The following ARHGEF4 variants were observed in gnomAD, a reference collection of about 807,000 sequenced individuals.
ARHGEF4 encodes APC-stimulated guanine nucleotide exchange factor 1.
A neutral mutation model predicts 162.0 loss-of-function variants in ARHGEF4; 119 were observed. That is an observed-to-expected ratio of 0.73 (90% CI 0.63 to 0.86). ARHGEF4 has a LOEUF of 0.86. ARHGEF4 is among the 40% of genes least tolerant of loss of function. The probability of loss-of-function intolerance (pLI) is 0.00; values close to 1 mark genes in which losing one functional copy is unlikely to be tolerated. For missense variants in ARHGEF4, 2,488 were observed against 2,456.0 expected, an observed-to-expected ratio of 1.01 and a Z score of -0.28; for synonymous variants, 1,014 against 979.9, an observed-to-expected ratio of 1.03 and a Z score of -0.65.
At chr2:131,045,570 T>C in intron 13 of ARHGEF4, 124 bp downstream of exon 13, 4 of 1,601,544 alleles carry the variant, frequency 2.5e-6, no homozygotes, top group South Asian at 1.1e-5. Flanking sequence ...CACTGCCCTT[T>C]GCAGCTGTTT....
chr2:131,006,275 C>G (rs1688108279), intron 4 of ARHGEF4, among the ~76,000 whole-genome samples: 1 of 152,216 alleles, frequency 6.6e-6, no homozygotes, highest in South Asian at 2.1e-4. Flanking sequence ...AATTTAGGCT[C>G]TCTGTGACTC....
chr2:131,043,020 T>C (rs10928514), intron 10 of ARHGEF4, among the ~76,000 whole-genome samples: 32,259 of 152,186 alleles, frequency 0.21, 4,831 homozygotes, highest in African/African-American at 0.43. Context: ...TCGTATGCTA[T>C]GCAGTAGCCA....
chr2:130,870,470 AG>A (rs1321366839), intron 1 of ARHGEF4, among the ~76,000 whole-genome samples: 1 of 152,164 alleles, frequency 6.6e-6, no homozygotes, highest in East Asian at 1.9e-4. Context: ...GGGGGCAGGA[AG>A]GGGCCCTCAG....
intron 1 of ARHGEF4, among the ~76,000 whole-genome samples, chr2:130,912,048 G>A (rs1016944759): frequency 1.3e-5 from 2 of 152,244 alleles, no homozygotes; most frequent in African/African-American, 4.8e-5. Context: ...GGTGAGATGA[G>A]GGGCTGCAAG....
chr2:130,987,582 C>T (rs961329206), intron 4 of ARHGEF4, among the ~76,000 whole-genome samples: 2 of 152,162 alleles, frequency 1.3e-5, no homozygotes, highest in African/African-American at 4.8e-5. Flanking sequence ...TTATTGGCTA[C>T]TTTTAGAATC....
intron 2 of ARHGEF4, among the ~76,000 whole-genome samples, chr2:130,927,659 A>T (rs1383068463): frequency 6.6e-6 from 1 of 151,924 alleles, no homozygotes; most frequent in Non-Finnish European, 1.5e-5. Flanking sequence ...CTCCAGCAAG[A>T]CTGTTCAGCA....
intron 4 of ARHGEF4, among the ~76,000 whole-genome samples, chr2:130,981,731 T>A (rs1271270716): frequency 2.6e-5 from 4 of 151,842 alleles, no homozygotes; most frequent in Non-Finnish European, 1.5e-5. Context: ...CCCCACTCAG[T>A]TACCCTGGAG....
intron 1 of ARHGEF4, among the ~76,000 whole-genome samples, chr2:130,838,592 C>T (rs972525128): frequency 4.7e-5 from 7 of 149,590 alleles, no homozygotes; most frequent in East Asian, 2.0e-4. Flanking sequence ...GGTGATAGAG[C>T]GAGACTCCGT....
intron 5 of ARHGEF4, among the ~76,000 whole-genome samples, chr2:131,038,371 C>T (rs1690462881): frequency 1.3e-5 from 2 of 149,940 alleles, no homozygotes; most frequent in African/African-American, 4.9e-5. Context: ...AGCCTTGCAG[C>T]CCAGCCTCTC....
chr2:130,963,853 C>T (rs1684796028), intron 4 of ARHGEF4: 1 of 147,458 alleles, frequency 6.8e-6, no homozygotes, highest in Non-Finnish European at 1.5e-5. Flanking sequence ...CCACAGAGCC[C>T]GAGCGGGGGG....
chr2:130,967,319 T>C (rs937156862), intron 4 of ARHGEF4, among the ~76,000 whole-genome samples: 2 of 152,202 alleles, frequency 1.3e-5, no homozygotes, highest in African/African-American at 4.8e-5. Context: ...CCATGGCCCT[T>C]CTTTCTGCCC....
At chr2:130,874,757 C>T (rs73960354) in intron 1 of ARHGEF4, among the ~76,000 whole-genome samples, 25,315 of 151,850 alleles carry the variant, frequency 0.17, 4,332 homozygotes, top group African/African-American at 0.44. Context: ...TTGGTCATGC[C>T]CTTCTTTCAT....
At chr2:131,004,381 G>T (rs1323510084) in intron 4 of ARHGEF4, among the ~76,000 whole-genome samples, 1 of 152,144 alleles carries the variant, frequency 6.6e-6, no homozygotes, top group Admixed American at 6.5e-5. Flanking sequence ...TAGCCAGGAT[G>T]GTCTCAATCA....
intron 1 of ARHGEF4, among the ~76,000 whole-genome samples, chr2:130,845,703 C>CT (rs1172371666): frequency 2.6e-5 from 4 of 152,158 alleles, no homozygotes; most frequent in African/African-American, 9.7e-5. Flanking sequence ...CAGTCTGCCT[C>CT]TGTGTGAGGA....
At chr2:130,922,266 G>A (rs1283395549) in intron 2 of ARHGEF4, among the ~76,000 whole-genome samples, 1 of 151,818 alleles carries the variant, frequency 6.6e-6, no homozygotes, top group African/African-American at 2.4e-5. Context: ...AGCTAGTTGG[G>A]AGGCTGAGGC....
At chr2:130,944,821 G>A (rs149622559) in intron 3 of ARHGEF4, among the ~76,000 whole-genome samples, 2 of 152,104 alleles carry the variant, frequency 1.3e-5, no homozygotes, top group East Asian at 1.9e-4. Flanking sequence ...GGTAATTTTC[G>A]ATTGTATTCT....
At chr2:130,959,091 C>G (rs6430470) in intron 4 of ARHGEF4, among the ~76,000 whole-genome samples, 150,286 of 151,978 alleles carry the variant, frequency 0.99, 74,322 homozygotes, top group Middle Eastern at 1. Flanking sequence ...ACAGGCGCAC[C>G]CCACCACACC....
At position 130,899,831 on chromosome 2, in the gene ARHGEF4, A is replaced by T. The variant is rs1433742687; in HGVS notation, c.40-14155A>T. 5.3e-5 allele frequency among the ~76,000 whole-genome samples: 8 copies of T among 152,186 alleles called. No individual in the cohort carries two copies. The South Asian group carries it at 1.7e-3, about 32-fold the overall frequency. ...AGGGAGACCCAAGGGCTTGGCTTGG[A>T]TGACTGTTCACAGAGACTGGAGGAC... On this transcript the variant is annotated intron_variant, in intron 1 of 13. Transcript: ENST00000409359.
intron 4 of ARHGEF4, among the ~76,000 whole-genome samples, chr2:130,997,251 T>C (rs1558827532): frequency 6.6e-6 from 1 of 152,202 alleles, no homozygotes; most frequent in Non-Finnish European, 1.5e-5. Context: ...TTCAGCTCGT[T>C]TTGCTATTAT....
Sources: gnomAD v4.1 joint callset for allele counts (sites outside exome capture counted in the v4.1 genomes callset) on GRCh38, gnomAD v4.1.1 for gene constraint, MANE v1.5 for transcripts, NCBI Gene and HGNC (gene_info 2026-07-23, HGNC 2026-07-21) for gene names.